Variants in PTGR2 observed in about 807,000 individuals in gnomAD.
PTGR2 encodes the protein 15-oxoprostaglandin 13-reductase.
A neutral mutation model predicts 43.4 loss-of-function variants in PTGR2; 32 were observed. The ratio of observed to expected loss-of-function variants is 0.74; its 90% CI spans 0.56 to 0.99. The LOEUF is 0.99. PTGR2 is among the 50% of genes least tolerant of loss of function. The pLI, the probability that PTGR2 is intolerant of heterozygous loss-of-function variation, is 0.00. For synonymous variants in PTGR2, 106 were observed against 139.2 expected, an observed-to-expected ratio of 0.76 and a Z score of 1.68; for missense variants, 373 against 420.0, an observed-to-expected ratio of 0.89 and a Z score of 0.98.
rs2055076922 is a variant in PTGR2 at position 73,884,404 on chromosome 14, ACGC to A, written c.*228_*230del. Reference sequence around the variant, plus strand: ...ATTACTTTTATTAATTTAAAATAGAACGCTTGAGAGGCACTTTGTAAAGATTTG... The same window carrying A: ...ATTACTTTTATTAATTTAAAATAGAATTGAGAGGCACTTTGTAAAGATTTG... On this transcript the variant is annotated 3_prime_UTR_variant, in exon 10 of 10. Coordinates refer to ENST00000555661, the MANE Select transcript of PTGR2 (RefSeq NM_001146154.2). The A allele has an allele frequency of 1.4e-5, 5 of 352,878 alleles. No homozygotes were observed. The highest frequency in any genetic ancestry group is 2.5e-5 in the Non-Finnish European group (5 of 200,612). The allele number at this position is 352,878 out of a possible 1,614,324, so 21.9% of individuals were successfully genotyped here. A position where few individuals can be genotyped will look rare whatever the true frequency, so the allele number is the denominator to read the frequency against.
At chr14:73,882,231 T>TA (rs1033872875) in intron 8 of PTGR2, among the ~76,000 whole-genome samples, 168 bp from the exon 9 acceptor site, 1 of 152,192 alleles carries the variant, frequency 6.6e-6, no homozygotes, top group Non-Finnish European at 1.5e-5. Context: ...GATATTACTT[T>TA]AAAAAATCAA....
intron 3 of PTGR2, among the ~76,000 whole-genome samples, chr14:73,865,161 G>A (rs2054574018): frequency 6.6e-6 from 1 of 152,148 alleles, no homozygotes; most frequent in African/African-American, 2.4e-5. Context: ...TCTACAAACT[G>A]GAGAACCAGA....
chr14:73,856,146 C>T (rs568573366), intron 1 of PTGR2, among the ~76,000 whole-genome samples: 1 of 152,150 alleles, frequency 6.6e-6, no homozygotes. Flanking sequence ...CTTTCACATT[C>T]CCTCACCACT....
In PTGR2 at chr14:73,880,592, A is replaced by AC. The variant is rs1331316897; in HGVS notation, c.851+416_851+417insC. ...GAAACTCCATCTCAAAAAAACAAAA[A>AC]AAAAAAAACAAAAAAAAACCTTTAA... On this transcript the variant is annotated intron_variant, in intron 7 of 9. Coordinates refer to ENST00000555661, the MANE Select transcript of PTGR2 (RefSeq NM_001146154.2). Among the ~76,000 whole-genome samples the AC allele has an allele frequency of 3.7e-4, 48 of 129,946 alleles. No individual in the cohort carries two copies. The South Asian group carries it at 0.01, about 27-fold the overall frequency. The allele number at this position is 129,946 out of a possible 152,430, so 85.2% of individuals were successfully genotyped here. A position where few individuals can be genotyped will look rare whatever the true frequency, so the allele number is the denominator to read the frequency against.
chr14:73,876,961 T>C (rs2054879817), intron 4 of PTGR2, 37 bp from the exon 5 acceptor site: 1 of 1,514,680 alleles, frequency 6.6e-7, no homozygotes, highest in African/African-American at 1.4e-5. Flanking sequence ...AAAACAGGAA[T>C]TCCTAGTATT....
At chr14:73,881,993 G>C (rs1370913889) in intron 8 of PTGR2, among the ~76,000 whole-genome samples, 1 of 151,878 alleles carries the variant, frequency 6.6e-6, no homozygotes, top group South Asian at 2.1e-4. Context: ...ATGTTGGCCA[G>C]GCTGGTCTCA....
chr14:73,883,231 T>G (rs541213362), intron 9 of PTGR2, among the ~76,000 whole-genome samples: 50 of 124,532 alleles, frequency 4.0e-4, no homozygotes, highest in African/African-American at 1.4e-3. Context: ...AAAGAGATGA[T>G]CTTGCTCTGT....
At chr14:73,865,288 T>A (rs1189512590) in intron 3 of PTGR2, among the ~76,000 whole-genome samples, 2 of 152,042 alleles carry the variant, frequency 1.3e-5, no homozygotes, top group Non-Finnish European at 2.9e-5. Context: ...AGTCTCAGAG[T>A]ACAAAGGCTG....
intron 7 of PTGR2, 125 bp from the exon 8 acceptor site, chr14:73,881,080 A>C (rs1353146784): frequency 3.4e-6 from 2 of 589,270 alleles, no homozygotes; most frequent in Non-Finnish European, 6.2e-6. Context: ...CTATCTGATC[A>C]GACTCAATGT....
intron 9 of PTGR2, among the ~76,000 whole-genome samples, chr14:73,882,972 T>G (rs2055030551): frequency 6.7e-6 from 1 of 150,174 alleles, no homozygotes; most frequent in Admixed American, 6.7e-5. Flanking sequence ...AGGCGTGCAC[T>G]GGTATGCCTG....
At chr14:73,854,854 C>T (rs1215840219) in intron 1 of PTGR2, among the ~76,000 whole-genome samples, 2 of 152,176 alleles carry the variant, frequency 1.3e-5, no homozygotes, top group East Asian at 3.9e-4. Flanking sequence ...TGTGGCACCA[C>T]CCTTAAAGAT....
At position 73,877,132 on chromosome 14, in the gene PTGR2, T is replaced by G; in HGVS notation, c.483T>G (p.Ser161Arg). The G allele has an allele frequency of 6.2e-7, 1 of 1,614,094 alleles. No homozygotes were observed. Among genetic ancestry groups the G allele is most frequent in the African/African-American group, 1.3e-5 (1 of 75,032 alleles). Residue 161 changes from serine (S) to arginine (R), a missense_variant, in exon 5 of 10, where the codon AGT becomes AGG. By Grantham distance (110) the Ser-to-Arg change is moderately radical. Coordinates refer to ENST00000555661, the MANE Select transcript of PTGR2 (RefSeq NM_001146154.2). ...TAGSNKTMVVSGAAGACGSVA... is the reference protein window; with the variant it reads ...TAGSNKTMVVRGAAGACGSVA... ...GATCTAATAAGACAATGGTTGTCAG[T>G]GGGGCCGCAGGTGCCTGTGGATCTG...
intron 1 of PTGR2, among the ~76,000 whole-genome samples, chr14:73,857,664 GTTTTT>G (rs1213963564): frequency 4.5e-4 from 29 of 64,720 alleles, no homozygotes; most frequent in South Asian, 8.9e-4. Context: ...AGCAGTTAGT[GTTTTT>G]TTTTTTTTTT....
At chr14:73,854,885 C>A (rs1279848541) in intron 1 of PTGR2, among the ~76,000 whole-genome samples, 1 of 152,108 alleles carries the variant, frequency 6.6e-6, no homozygotes, top group Non-Finnish European at 1.5e-5. Context: ...AAAATTGAAC[C>A]TGAAGTAATC....
At chr14:73,852,970 C>G (rs1394520631) in intron 1 of PTGR2, among the ~76,000 whole-genome samples, 1 of 152,094 alleles carries the variant, frequency 6.6e-6, no homozygotes, top group African/African-American at 2.4e-5. Context: ...GGACTATAGG[C>G]GCCCACCACC....
chr14:73,860,751 T>G (rs2054471581), intron 3 of PTGR2, 94 bp downstream of exon 3: 8 of 691,874 alleles, frequency 1.2e-5, no homozygotes, highest in Middle Eastern at 2.9e-4. Flanking sequence ...CCCTTATAGA[T>G]TGGTAAATAT....
At chr14:73,877,466 T>C (rs2054891769) in intron 5 of PTGR2, 2 of 184,648 alleles carry the variant, frequency 1.1e-5, no homozygotes, top group Non-Finnish European at 1.1e-5. Flanking sequence ...GGTTTTGCCA[T>C]GTTGGCCAGG....
At chr14:73,856,693 A>C (rs2140230995) in intron 1 of PTGR2, among the ~76,000 whole-genome samples, 1 of 152,348 alleles carries the variant, frequency 6.6e-6, no homozygotes, top group African/African-American at 2.4e-5. Flanking sequence ...GTTATAAGCT[A>C]AACCATATCA....
At chr14:73,876,085 C>T (rs540195504) in intron 4 of PTGR2, among the ~76,000 whole-genome samples, 54 of 152,040 alleles carry the variant, frequency 3.6e-4, no homozygotes, top group Non-Finnish European at 7.1e-4. Flanking sequence ...TCCTTAAGTA[C>T]TGGGATTACA....
Sources: gnomAD v4.1 joint callset for allele counts (sites outside exome capture counted in the v4.1 genomes callset) on GRCh38, gnomAD v4.1.1 for gene constraint, MANE v1.5 for transcripts, NCBI Gene and HGNC (gene_info 2026-07-23, HGNC 2026-07-21) for gene names.